Variants in CTNNA3 observed in about 807,000 individuals in gnomAD.
CTNNA3 encodes catenin alpha 3.
A neutral mutation model predicts 95.7 loss-of-function variants in CTNNA3; 76 were observed. That is an observed-to-expected ratio of 0.79 (90% confidence interval 0.66 to 0.96). CTNNA3 has a LOEUF of 0.96. CTNNA3 is among the 40% of genes least tolerant of loss of function. The pLI, the probability that CTNNA3 is intolerant of heterozygous loss-of-function variation, is 0.00. For synonymous variants in CTNNA3, 431 were observed against 374.4 expected (o/e 1.15, Z -1.74); for missense variants, 1,191 against 1,089.8 (o/e 1.09, Z -1.31).
chr10:66,001,095 A>C (rs1449659580), intron 15 of CTNNA3, among the ~76,000 whole-genome samples: 1 of 152,110 alleles, frequency 6.6e-6, no homozygotes, highest in Non-Finnish European at 1.5e-5. Flanking sequence ...AGCCTCAAGG[A>C]ATACAGCCTA....
intron 11 of CTNNA3, among the ~76,000 whole-genome samples, chr10:66,500,008 G>GC (rs1315711687): frequency 6.6e-6 from 1 of 151,768 alleles, no homozygotes; most frequent in Non-Finnish European, 1.5e-5. Flanking sequence ...TCACCATGTT[G>GC]GCCAGGCTTG....
chr10:66,457,254 G>C (rs747862758), intron 11 of CTNNA3, among the ~76,000 whole-genome samples: 16 of 152,004 alleles, frequency 1.1e-4, no homozygotes, highest in Non-Finnish European at 1.9e-4. Flanking sequence ...GACACTATTA[G>C]GAAAATGAAA....
chr10:67,634,803 T>G (rs55776074), intron 2 of CTNNA3, among the ~76,000 whole-genome samples: 1 of 151,984 alleles, frequency 6.6e-6, no homozygotes, highest in African/African-American at 2.4e-5. Flanking sequence ...ACACACAATA[T>G]GGGAGCACCC....
intron 11 of CTNNA3, among the ~76,000 whole-genome samples, chr10:66,454,305 A>G (rs998022136): frequency 6.6e-6 from 1 of 152,158 alleles, no homozygotes; most frequent in Non-Finnish European, 1.5e-5. Flanking sequence ...ATAAAACTGA[A>G]AAGTCTTTTA....
intron 7 of CTNNA3, among the ~76,000 whole-genome samples, chr10:66,988,098 G>C (rs1850835121): frequency 6.6e-6 from 1 of 151,980 alleles, no homozygotes; most frequent in Non-Finnish European, 1.5e-5. Context: ...TATCATGAAG[G>C]AACACAGGCT....
chr10:66,095,432 GT>G, intron 14 of CTNNA3, among the ~76,000 whole-genome samples: 1 of 152,088 alleles, frequency 6.6e-6, no homozygotes. Context: ...GATTAAAACT[GT>G]TTTTTATAAT....
intron 2 of CTNNA3, among the ~76,000 whole-genome samples, chr10:67,617,285 T>C (rs1333955292): frequency 1.3e-5 from 2 of 152,250 alleles, no homozygotes; most frequent in Non-Finnish European, 2.9e-5. Flanking sequence ...CCAGTGTCTG[T>C]TGTTCCCCTC....
chr10:65,983,375 A>G (rs1172573712), intron 16 of CTNNA3, among the ~76,000 whole-genome samples: 11 of 151,540 alleles, frequency 7.3e-5, no homozygotes, highest in Admixed American at 2.0e-4. Flanking sequence ...TACTGCTTCT[A>G]TAACTATTTG....
chr10:67,389,985 C>G (rs1419909643), intron 5 of CTNNA3, among the ~76,000 whole-genome samples: 2 of 151,266 alleles, frequency 1.3e-5, no homozygotes, highest in Non-Finnish European at 3.0e-5. Flanking sequence ...ACCCTAACAT[C>G]ACAATTAAAA....
chr10:66,747,578 C>T (rs1050276511), intron 9 of CTNNA3, among the ~76,000 whole-genome samples: 7 of 151,992 alleles, frequency 4.6e-5, no homozygotes, highest in Non-Finnish European at 7.4e-5. Context: ...CCAGTCATAA[C>T]TCAGATCTAA....
At chr10:67,515,662 T>C (rs559054679) in intron 5 of CTNNA3, among the ~76,000 whole-genome samples, 9 of 152,320 alleles carry the variant, frequency 5.9e-5, no homozygotes, top group African/African-American at 2.2e-4. Flanking sequence ...AAGACAGACA[T>C]GAATATTTTA....
chr10:67,066,749 TG>T (rs1856116961), intron 7 of CTNNA3, among the ~76,000 whole-genome samples: 1 of 152,216 alleles, frequency 6.6e-6, no homozygotes, highest in South Asian at 2.1e-4. Context: ...TGGAAAGTTT[TG>T]TTTATGAACT....
chr10:67,333,411 C>T (rs1841873274), intron 5 of CTNNA3, among the ~76,000 whole-genome samples: 1 of 152,148 alleles, frequency 6.6e-6, no homozygotes, highest in Non-Finnish European at 1.5e-5. Flanking sequence ...AGATTTCTTG[C>T]TGTATTTTTA....
chr10:67,260,044 A>G (rs1470623277), intron 5 of CTNNA3, among the ~76,000 whole-genome samples: 1 of 152,218 alleles, frequency 6.6e-6, no homozygotes, highest in African/African-American at 2.4e-5. Flanking sequence ...TACCCTAAAG[A>G]ATAAACTAAT....
At chr10:67,735,663 TA>T (rs1282927155) in intron 1 of CTNNA3, among the ~76,000 whole-genome samples, 3 of 152,182 alleles carry the variant, frequency 2.0e-5, no homozygotes, top group African/African-American at 7.2e-5. Context: ...AAGTGTTGAC[TA>T]GGATATGTAG....
intron 5 of CTNNA3, among the ~76,000 whole-genome samples, chr10:67,338,344 A>G (rs574282901): frequency 7.2e-5 from 11 of 152,098 alleles, no homozygotes; most frequent in Non-Finnish European, 1.5e-4. Flanking sequence ...ATATGAACTC[A>G]AAGCAAGAAC....
At chr10:67,056,202 A>G (rs1054300114) in intron 7 of CTNNA3, among the ~76,000 whole-genome samples, 4 of 152,156 alleles carry the variant, frequency 2.6e-5, no homozygotes, top group African/African-American at 9.6e-5. Flanking sequence ...CTGAGCTTTA[A>G]TAAAATATGG....
At chr10:66,424,417 A>G (rs2093222115) in intron 11 of CTNNA3, among the ~76,000 whole-genome samples, 1 of 152,044 alleles carries the variant, frequency 6.6e-6, no homozygotes, top group Non-Finnish European at 1.5e-5. Context: ...TTAGTTTTAA[A>G]TTAAAAAGTT....
chr10:67,058,925 T>C (rs1855598547), intron 7 of CTNNA3, among the ~76,000 whole-genome samples: 1 of 152,164 alleles, frequency 6.6e-6, no homozygotes, highest in Admixed American at 6.6e-5. Flanking sequence ...GTCAAGGACA[T>C]TGTAAGCCAT....
Sources: gnomAD v4.1 joint callset for allele counts (sites outside exome capture counted in the v4.1 genomes callset) on GRCh38, gnomAD v4.1.1 for gene constraint, MANE v1.5 for transcripts, NCBI Gene and HGNC (gene_info 2026-07-23, HGNC 2026-07-21) for gene names.